The following NWD2 variants were observed in gnomAD, a reference collection of about 807,000 sequenced individuals.
NWD2 encodes NACHT and WD repeat domain containing 2, also known as NACHT and WD repeat domain-containing protein 2.
In NWD2, 37 loss-of-function variants were observed where a neutral mutation model predicts 132.7. That is an observed-to-expected ratio of 0.28 (90% confidence interval 0.21 to 0.37). NWD2 has a LOEUF of 0.37. NWD2 is among the 10% of genes least tolerant of loss of function. The pLI, the probability that NWD2 is intolerant of heterozygous loss-of-function variation, is 1.00. For missense variants in NWD2, 1,592 were observed against 2,122.4 expected (o/e 0.75, Z 4.91); for synonymous variants, 705 against 803.0 (o/e 0.88, Z 2.06).
intron 1 of NWD2, among the ~76,000 whole-genome samples, chr4:37,309,420 A>G (rs2109280028): frequency 6.6e-6 from 1 of 152,130 alleles, no homozygotes; most frequent in South Asian, 2.1e-4. Flanking sequence ...GTTCACAGCT[A>G]CACCACGGGG....
chr4:37,376,041 T>C (rs1720343795), intron 3 of NWD2, among the ~76,000 whole-genome samples: 1 of 152,202 alleles, frequency 6.6e-6, no homozygotes, highest in Non-Finnish European at 1.5e-5. Context: ...TCCCTTTTTT[T>C]AGACATGAAG....
chr4:37,428,072 A>C (rs1712056752), intron 3 of NWD2, among the ~76,000 whole-genome samples: 1 of 152,218 alleles, frequency 6.6e-6, no homozygotes, highest in African/African-American at 2.4e-5. Context: ...GCTAGGAATA[A>C]ACAGCTCTGG....
chr4:37,318,800 G>A (rs751471286), intron 1 of NWD2, among the ~76,000 whole-genome samples: 3 of 152,044 alleles, frequency 2.0e-5, no homozygotes, highest in African/African-American at 7.2e-5. Context: ...TGCTGCAAAG[G>A]ACATGATTTC....
intron 1 of NWD2, among the ~76,000 whole-genome samples, chr4:37,277,583 TA>T (rs879451062): frequency 4.0e-5 from 6 of 151,776 alleles, no homozygotes; most frequent in Admixed American, 6.6e-5. Context: ...ACTCTAAATT[TA>T]AAAAAAAATT....
In NWD2 at chr4:37,443,894, G is replaced by A. The variant is rs139840694; in HGVS notation, c.1906G>A (p.Val636Ile). 6.4e-7 allele frequency: 1 copy of A among 1,552,356 alleles called. No homozygotes were observed. Among genetic ancestry groups the A allele is most frequent in the Non-Finnish European group, 8.7e-7 (1 of 1,147,142 alleles). ...HKDVDESSLS[V>I]TVHESIEQLF... ...AGACGTCGATGAATCCTCCCTCTCTGTCACCGTTCATGAAAGTATAGAGCA... is the reference window on the plus strand; with the variant it reads ...AGACGTCGATGAATCCTCCCTCTCTATCACCGTTCATGAAAGTATAGAGCA... Residue 636 changes from valine to isoleucine, a missense_variant, in exon 7 of 7, where the codon GTC becomes ATC. This residue lies in a region of NWD2 where 1,071 missense variants were observed against 1,398.0 expected (regional missense o/e 0.77). Coordinates refer to ENST00000309447, the MANE Select transcript of NWD2 (RefSeq NM_001144990.2). The surrounding 1 kb of genome is among the most constrained non-coding windows in gnomAD (Gnocchi z 4.1).
At position 37,268,384 on chromosome 4, in the gene NWD2, C is replaced by T. The variant is rs574698817; in HGVS notation, c.151+23166C>T. ...AGGGAAATTACTGCTTGACTATTAA[C>T]CTTTAATCATAGATCTTTTACGTTA... On this transcript the variant is annotated intron_variant, in intron 1 of 6. Transcript: ENST00000309447. 2.6e-5 allele frequency among the ~76,000 whole-genome samples: 4 copies of T among 152,034 alleles called. No individual in the cohort carries two copies. In the South Asian group the frequency reaches 8.3e-4, roughly 32 times the overall value.
intron 2 of NWD2, among the ~76,000 whole-genome samples, chr4:37,347,789 C>T (rs1159252935): frequency 1.3e-5 from 2 of 152,172 alleles, no homozygotes; most frequent in African/African-American, 4.8e-5. Flanking sequence ...AATTAACCTT[C>T]ATATTTACCA....
chr4:37,273,868 T>A (rs1577651511), intron 1 of NWD2, among the ~76,000 whole-genome samples: 1 of 152,026 alleles, frequency 6.6e-6, no homozygotes, highest in Admixed American at 6.6e-5. Flanking sequence ...AATAAAGATG[T>A]TCTTTGAAAC....
In NWD2 at chr4:37,445,872, G is replaced by T. The variant is rs1712622418; in HGVS notation, c.3884G>T (p.Ser1295Ile). The change falls in exon 7 of 7, where the codon AGT (serine) becomes ATT (isoleucine). Residue 1295 changes from serine (S) to isoleucine (I), a missense_variant. Ser to Ile is a moderately radical substitution (Grantham distance 142). Coordinates refer to ENST00000309447, the MANE Select transcript of NWD2 (RefSeq NM_001144990.2). The surrounding 1 kb of genome is among the most constrained non-coding windows in gnomAD (Gnocchi z 4.7). The part of the protein sequence containing the change: ...HHNMLLSLST[S>I]GVLSIWDIDI... ...AATATGCTACTGTCTTTATCAACCA[G>T]TGGTGTTCTTTCCATTTGGGACATA... 2 of 1,551,832 alleles carry T rather than the reference G, an allele frequency of 1.3e-6. No homozygotes were observed. The highest frequency in any genetic ancestry group is 2.7e-5 in the African/African-American group (2 of 73,018).
intron 1 of NWD2, among the ~76,000 whole-genome samples, chr4:37,247,553 A>C (rs1315683540): frequency 6.6e-6 from 1 of 152,224 alleles, no homozygotes; most frequent in Non-Finnish European, 1.5e-5. Flanking sequence ...CAAGGCTTGC[A>C]TGGAATTTCC....
intron 1 of NWD2, among the ~76,000 whole-genome samples, chr4:37,288,247 G>A (rs1718278191): frequency 1.3e-5 from 2 of 152,198 alleles, no homozygotes; most frequent in African/African-American, 2.4e-5. Flanking sequence ...AACCCTCCAC[G>A]TTTTGCACGT....
At chr4:37,303,994 A>G (rs1165965840) in intron 1 of NWD2, among the ~76,000 whole-genome samples, 4 of 152,208 alleles carry the variant, frequency 2.6e-5, no homozygotes, top group Non-Finnish European at 5.9e-5. Context: ...TTCTGAAAGT[A>G]GGCATCTGTA....
intron 1 of NWD2, among the ~76,000 whole-genome samples, chr4:37,248,536 C>T (rs1717290012): frequency 6.6e-6 from 1 of 152,312 alleles, no homozygotes; most frequent in Non-Finnish European, 1.5e-5. Flanking sequence ...CCATCTGTGA[C>T]ATCTTCATCA....
chr4:37,358,699 G>A (rs140786427), intron 3 of NWD2, among the ~76,000 whole-genome samples: 3 of 152,224 alleles, frequency 2.0e-5, no homozygotes, highest in African/African-American at 7.2e-5. Context: ...GTCATTCTGA[G>A]AATCAAATGA....
chr4:37,287,416 C>T (rs983954607), intron 1 of NWD2, among the ~76,000 whole-genome samples: 1 of 152,214 alleles, frequency 6.6e-6, no homozygotes, highest in Non-Finnish European at 1.5e-5. Flanking sequence ...GGAAGGGTGG[C>T]ATCCATCTCT....
intron 3 of NWD2, among the ~76,000 whole-genome samples, chr4:37,408,802 C>G (rs367691222): frequency 6.6e-5 from 10 of 152,196 alleles, no homozygotes; most frequent in East Asian, 5.8e-4. Flanking sequence ...CTGGCAGGTG[C>G]CCCTCTGGGA....
At chr4:37,393,827 G>A (rs1020346216) in intron 3 of NWD2, among the ~76,000 whole-genome samples, 1 of 152,092 alleles carries the variant, frequency 6.6e-6, no homozygotes, top group African/African-American at 2.4e-5. Context: ...CAGCTCCATT[G>A]GGCCACTTGA....
At chr4:37,368,897 GAAACA>G (rs923166036) in intron 3 of NWD2, among the ~76,000 whole-genome samples, 3 of 152,204 alleles carry the variant, frequency 2.0e-5, no homozygotes, top group African/African-American at 7.2e-5. Flanking sequence ...CAAGAGGCTA[GAAACA>G]AGAGACCTAA....
At chr4:37,411,998 G>A (rs994758786) in intron 3 of NWD2, among the ~76,000 whole-genome samples, 1 of 152,102 alleles carries the variant, frequency 6.6e-6, no homozygotes, top group African/African-American at 2.4e-5. Context: ...AATAATAAGA[G>A]CTATTTATGA....
Sources: gnomAD v4.1 joint callset for allele counts (sites outside exome capture counted in the v4.1 genomes callset) on GRCh38, gnomAD v4.1.1 for gene constraint, gnomAD v4.1.1 regional missense constraint, Gnocchi (gnomAD v3.1) non-coding constraint, MANE v1.5 for transcripts, NCBI Gene and HGNC (gene_info 2026-07-23, HGNC 2026-07-21) for gene names.